CAMSAP1: variants seen among roughly 807,000 people sequenced by gnomAD.
CAMSAP1 encodes calmodulin-regulated spectrin-associated protein 1.
In CAMSAP1, 58 loss-of-function variants were observed where a neutral mutation model predicts 143.5. The observed-to-expected ratio is 0.40, with a 90% CI of 0.33 to 0.50. The LOEUF (loss-of-function observed/expected upper bound fraction) is 0.50, where lower values mean the gene tolerates loss of function less well. CAMSAP1 is among the 20% of genes least tolerant of loss of function. CAMSAP1 has a pLI of 0.45. For missense variants in CAMSAP1, 1,969 were observed against 2,115.7 expected (o/e 0.93, Z 1.36); for synonymous variants, 945 against 859.3 (o/e 1.10, Z -1.74).
chr9:135,835,205 A>G (rs1199864453), intron 7 of CAMSAP1, among the ~76,000 whole-genome samples: 1 of 152,096 alleles, frequency 6.6e-6, no homozygotes, highest in Non-Finnish European at 1.5e-5. Context: ...CATAACTGCC[A>G]AGGGACAGCA....
In CAMSAP1 at chr9:135,821,411, C is replaced by T. The variant is rs1203351337; in HGVS notation, c.3250G>A (p.Val1084Met). ...CGGGGGGCTTTGCGGTGGCCAGCCA[C>T]GCCCGTGGGAGAGAGTGGCTCCACG... ...HFVEPLSPTGVAGHRKAPRLG... is the reference protein window; with the variant it reads ...HFVEPLSPTGMAGHRKAPRLG... Residue 1084 changes from valine to methionine, a missense_variant, in exon 11 of 17, where the codon GTG becomes ATG. By Grantham distance (21) the Val-to-Met change is conservative. This residue lies in a region of CAMSAP1 where 1,390 missense variants were observed against 1,420.8 expected (regional missense o/e 0.98). Coordinates refer to ENST00000389532, the MANE Select transcript of CAMSAP1 (RefSeq NM_015447.4). The surrounding 1 kb of genome is among the most constrained non-coding windows in gnomAD (Gnocchi z 4.6). The T allele has an allele frequency of 2.5e-6, 4 of 1,613,858 alleles. No homozygotes were observed. Among genetic ancestry groups the T allele is most frequent in the Non-Finnish European group, 3.4e-6 (4 of 1,179,874 alleles).
At chr9:135,857,388 A>G (rs1390353002) in intron 5 of CAMSAP1, among the ~76,000 whole-genome samples, 1 of 152,132 alleles carries the variant, frequency 6.6e-6, no homozygotes, top group African/African-American at 2.4e-5. Context: ...TAGCAACCAA[A>G]TATTTCCTTC....
chr9:135,822,721 T>G lies in CAMSAP1; in HGVS notation c.1940A>C (p.Asn647Thr). ...GCATGGAATCGGGGTAAAAGTCCTATTCAAGTCGCGACTGCCAGTCATTTT... is the reference window on the plus strand; with the variant it reads ...GCATGGAATCGGGGTAAAAGTCCTAGTCAAGTCGCGACTGCCAGTCATTTT... ...RRKMTGSRDL[N>T]RTFTPIPCSE... Residue 647 changes from asparagine to threonine, a missense_variant, in exon 11 of 17, where the codon AAT becomes ACT. Transcript: ENST00000389532. The surrounding 1 kb of genome is among the most constrained non-coding windows in gnomAD (Gnocchi z 6.1). 1 of 1,612,332 alleles carries G rather than the reference T, an allele frequency of 6.2e-7. No individual in the cohort carries two copies. The highest frequency in any genetic ancestry group is 8.5e-7 in the Non-Finnish European group (1 of 1,179,086).
intron 1 of CAMSAP1, among the ~76,000 whole-genome samples, chr9:135,902,924 C>CTG (rs1454920591): frequency 6.6e-6 from 1 of 152,186 alleles, no homozygotes; most frequent in African/African-American, 2.4e-5. Context: ...CAGCTTGGCT[C>CTG]TGCAAGCAAA....
intron 1 of CAMSAP1, among the ~76,000 whole-genome samples, chr9:135,883,829 A>AC (rs1272050445): frequency 1.3e-5 from 2 of 152,246 alleles, no homozygotes; most frequent in South Asian, 2.1e-4. Context: ...GCTCAAGGCC[A>AC]CAGGAGGCAG....
chr9:135,827,553 C>T lies in CAMSAP1; in HGVS notation c.1077G>A (p.Arg359=). 1 of 1,602,640 alleles carries T rather than the reference C, an allele frequency of 6.2e-7. No homozygotes were observed. Among genetic ancestry groups the T allele is most frequent in the Non-Finnish European group, 8.5e-7 (1 of 1,171,600 alleles). Residue 359 remains arginine (R), a synonymous_variant, in exon 8 of 17, where the codon CGG becomes CGA. Coordinates refer to ENST00000389532, the MANE Select transcript of CAMSAP1 (RefSeq NM_015447.4). ...TCGCGTTGGAGATCGGTACAGGAGG[C>T]CGGCTGCTCTTCTGGTGTAACACTG... ...AKTVLHQKSS[R]PPVPISNATK...
At chr9:135,848,382 T>C (rs1052326772) in intron 7 of CAMSAP1, among the ~76,000 whole-genome samples, 1 of 152,046 alleles carries the variant, frequency 6.6e-6, no homozygotes, top group South Asian at 2.1e-4. Context: ...AAAACGTACA[T>C]AGAGCTTGAC....
intron 1 of CAMSAP1, among the ~76,000 whole-genome samples, chr9:135,901,865 C>T (rs1838628800): frequency 6.6e-6 from 1 of 152,196 alleles, no homozygotes; most frequent in Non-Finnish European, 1.5e-5. Flanking sequence ...TAATCACTTA[C>T]TATTTCAGTC....
chr9:135,891,873 T>C (rs1024447038), intron 1 of CAMSAP1, among the ~76,000 whole-genome samples: 22 of 152,152 alleles, frequency 1.4e-4, no homozygotes, highest in African/African-American at 4.8e-4. Flanking sequence ...AACGAAAATT[T>C]CAGGACTAAA....
intron 5 of CAMSAP1, 61 bp from the exon 6 acceptor site, chr9:135,850,522 A>C (rs752556534): frequency 5.6e-5 from 76 of 1,358,688 alleles, no homozygotes; most frequent in Non-Finnish European, 7.4e-5. Context: ...AGAGAGAGAG[A>C]AGCATTCTAA....
rs570775007 is a variant in CAMSAP1 at position 135,843,984 on chromosome 9, T to TTA, written c.1045+6151_1045+6152dup. On this transcript the variant is annotated intron_variant, in intron 7 of 16. Transcript: ENST00000389532. ...AGTTCTTAGAGACCTAGAAAGAGAC[T>TTA]TACACTGCCACACAATAATAGTGGG... 3.4e-3 allele frequency among the ~76,000 whole-genome samples: 519 copies of TTA among 151,764 alleles called. 3 individuals are homozygous for TTA. The highest frequency in any genetic ancestry group is 0.014 in the Middle Eastern group (4 of 292).
At chr9:135,897,433 T>G (rs1372541132) in intron 1 of CAMSAP1, among the ~76,000 whole-genome samples, 1 of 152,098 alleles carries the variant, frequency 6.6e-6, no homozygotes, top group Non-Finnish European at 1.5e-5. Context: ...GGATTACGGG[T>G]GTGAACCACC....
At position 135,868,436 on chromosome 9, in the gene CAMSAP1, A is replaced by G. The variant is rs578033107; in HGVS notation, c.586-1900T>C. 2.7e-5 allele frequency among the ~76,000 whole-genome samples: 4 copies of G among 149,864 alleles called. No homozygotes were observed. The South Asian group carries it at 6.4e-4, about 24-fold the overall frequency. On this transcript the variant is annotated intron_variant, in intron 3 of 16. Transcript: ENST00000389532. ...ATGTTAAGACATCATCTCAAAACCAAAGAAGTGTTTTTTGTTTTTTTTTAA... is the reference window on the plus strand; with the variant it reads ...ATGTTAAGACATCATCTCAAAACCAGAGAAGTGTTTTTTGTTTTTTTTTAA...
At chr9:135,812,367 C>T (rs1835081508) in intron 16 of CAMSAP1, among the ~76,000 whole-genome samples, 1 of 152,152 alleles carries the variant, frequency 6.6e-6, no homozygotes, top group Non-Finnish European at 1.5e-5. Flanking sequence ...ACACACTACA[C>T]TGAGAAACCT....
At chr9:135,842,285 A>T (rs1836383000) in intron 7 of CAMSAP1, among the ~76,000 whole-genome samples, 1 of 152,228 alleles carries the variant, frequency 6.6e-6, no homozygotes, top group South Asian at 2.1e-4. Flanking sequence ...TAAAGCATGA[A>T]GACAAGATTA....
intron 7 of CAMSAP1, among the ~76,000 whole-genome samples, chr9:135,831,806 C>T (rs1222477152): frequency 2.0e-5 from 3 of 152,126 alleles, no homozygotes; most frequent in South Asian, 4.1e-4. Flanking sequence ...TCACAAGGGC[C>T]TATTACAAAC....
chr9:135,816,492 A>G (rs1041316028), intron 14 of CAMSAP1, among the ~76,000 whole-genome samples: 1 of 152,228 alleles, frequency 6.6e-6, no homozygotes, highest in Non-Finnish European at 1.5e-5. Context: ...CCTGCAGGGA[A>G]GTCTCCACTG....
intron 3 of CAMSAP1, among the ~76,000 whole-genome samples, 184 bp from the exon 4 acceptor site, chr9:135,866,720 G>A (rs1837391452): frequency 6.6e-6 from 1 of 152,018 alleles, no homozygotes; most frequent in African/African-American, 2.4e-5. Context: ...AACAAGGTCC[G>A]CCTGCTACCA....
At position 135,826,425 on chromosome 9, in the gene CAMSAP1, C is replaced by T. The variant is rs1043390563; in HGVS notation, c.1223+982G>A. 2.6e-5 allele frequency: 4 copies of T among 152,306 alleles called. No individual in the cohort carries two copies. Among genetic ancestry groups the T allele is most frequent in the African/African-American group, 9.7e-5 (4 of 41,382 alleles). The allele number at this position is 152,306 out of a possible 1,614,324, so 9.4% of individuals were successfully genotyped here. A position where few individuals can be genotyped will look rare whatever the true frequency, so the allele number is the denominator to read the frequency against. On this transcript the variant is annotated intron_variant, in intron 8 of 16. Coordinates refer to ENST00000389532, the MANE Select transcript of CAMSAP1 (RefSeq NM_015447.4). The surrounding 1 kb of genome is among the most constrained non-coding windows in gnomAD (Gnocchi z 4.4). ...CGCCCAACACAGAACACATCCAAAC[C>T]CCTCCCTCAGCTATGCCCCACCCCT...
Sources: gnomAD v4.1 joint callset for allele counts (sites outside exome capture counted in the v4.1 genomes callset) on GRCh38, gnomAD v4.1.1 for gene constraint, gnomAD v4.1.1 regional missense constraint, Gnocchi (gnomAD v3.1) non-coding constraint, MANE v1.5 for transcripts, NCBI Gene and HGNC (gene_info 2026-07-23, HGNC 2026-07-21) for gene names.